The following PIP5K1C variants were observed in gnomAD, a reference collection of about 807,000 sequenced individuals.
PIP5K1C encodes the protein phosphatidylinositol-4-phosphate 5-kinase type 1 gamma.
PIP5K1C carries 45 observed loss-of-function variants against 80.1 expected under a neutral mutation model. The ratio of observed to expected loss-of-function variants is 0.56; its 90% CI spans 0.44 to 0.72. PIP5K1C has a LOEUF of 0.72. Ranked by LOEUF, PIP5K1C falls within the 30% of genes least tolerant of loss-of-function variation. The pLI is 0.00. For synonymous variants in PIP5K1C, 498 were observed against 420.1 expected (o/e 1.19, Z -2.27); for missense variants, 753 against 954.6 (o/e 0.79, Z 2.78).
chr19:3,675,509 G>A (rs1206753204), intron 1 of PIP5K1C, among the ~76,000 whole-genome samples: 1 of 152,196 alleles, frequency 6.6e-6, no homozygotes, highest in Non-Finnish European at 1.5e-5. Flanking sequence ...ATGGACCAAG[G>A]CTTTTGTGAA....
rs937385248 is a variant in PIP5K1C, at chr19:3,692,515, A to G, written c.94+7782T>C. Among the ~76,000 whole-genome samples the G allele has an allele frequency of 3.3e-5, 5 of 152,074 alleles. No individual in the cohort carries two copies. On this transcript the variant is annotated intron_variant, in intron 1 of 17. Transcript: ENST00000335312. This position sits in a 1 kb window ranked among gnomAD's most constrained non-coding sequence, Gnocchi z 5.2. ...CCCCTCAGCCCCACACTCAACCTTCAAAAGGTCCTGCTGGCTCTGCTTCCA... is the reference window on the plus strand; with the variant it reads ...CCCCTCAGCCCCACACTCAACCTTCGAAAGGTCCTGCTGGCTCTGCTTCCA...
chr19:3,682,493 AACATAGCAAG>A (rs1369026278), intron 1 of PIP5K1C, among the ~76,000 whole-genome samples: 1 of 152,024 alleles, frequency 6.6e-6, no homozygotes, highest in African/African-American at 2.4e-5. Flanking sequence ...CAGACCGAGC[AACATAGCAAG>A]ACATAGCAAG....
Position 3,633,425 on chromosome 19 carries a change from G to A in PIP5K1C, c.2004+12C>T. 6.8e-7 allele frequency: 1 copy of A among 1,478,130 alleles called. No homozygotes were observed. The highest frequency in any genetic ancestry group is 9.0e-7 in the Non-Finnish European group (1 of 1,111,428). The allele number at this position is 1,478,130 out of a possible 1,614,324, so 91.6% of individuals were successfully genotyped here. ...CCCACGGGACCGGCGGGTGCACCTG[G>A]GCTGCACTTACTGTGTCGCTCTCGC... On this transcript the variant is annotated intron_variant, in intron 17 of 17. Transcript: ENST00000335312.
chr19:3,643,134 C>T (rs1048435947), intron 13 of PIP5K1C, 109 bp downstream of exon 13: 3 of 1,556,944 alleles, frequency 1.9e-6, no homozygotes, highest in African/African-American at 2.7e-5. Flanking sequence ...ACCGTACATA[C>T]GATGCTCCAC....
chr19:3,689,180 C>T (rs2035868690), intron 1 of PIP5K1C, among the ~76,000 whole-genome samples: 1 of 152,056 alleles, frequency 6.6e-6, no homozygotes, highest in Non-Finnish European at 1.5e-5. Context: ...TGTGAGCCAC[C>T]GCACCCAGCC....
Position 3,643,015 on chromosome 19 carries a change from C to T in PIP5K1C, c.1650-76G>A, listed in dbSNP as rs544311796. On this transcript the variant is annotated intron_variant, in intron 13 of 17. Coordinates refer to ENST00000335312, the MANE Select transcript of PIP5K1C (RefSeq NM_012398.3). Reference sequence around the variant, plus strand: ...GCTCAGTCTACCTGCCTTGCCTACCCGCCTGCCTACCTGCCCCCTGGCAGC... The same window carrying T: ...GCTCAGTCTACCTGCCTTGCCTACCTGCCTGCCTACCTGCCCCCTGGCAGC... 250 of 1,561,276 alleles carry T rather than the reference C, an allele frequency of 1.6e-4. 3 individuals are homozygous for T. The South Asian group carries it at 2.5e-3, about 16-fold the overall frequency.
intron 13 of PIP5K1C, 144 bp downstream of exon 13, chr19:3,643,099 A>C (rs905653953): frequency 1.4e-6 from 2 of 1,468,586 alleles, no homozygotes; most frequent in Non-Finnish European, 1.9e-6. Context: ...GCCCCCGCGC[A>C]CCCACATGCA....
intron 1 of PIP5K1C, among the ~76,000 whole-genome samples, chr19:3,684,271 C>T (rs1041011838): frequency 6.6e-6 from 1 of 152,310 alleles, no homozygotes; most frequent in Middle Eastern, 3.4e-3. Context: ...CTCATTGCCG[C>T]CCCCTCACCC....
At position 3,696,549 on chromosome 19, in the gene PIP5K1C, A is replaced by G. The variant is rs1039352632; in HGVS notation, c.94+3748T>C. On this transcript the variant is annotated intron_variant, in intron 1 of 17. Coordinates refer to ENST00000335312, the MANE Select transcript of PIP5K1C (RefSeq NM_012398.3). The surrounding 1 kb of genome is among the most constrained non-coding windows in gnomAD (Gnocchi z 4.1). ...CCTCACGGAGAGGAGATGCTCCCAC[A>G]AAACCTGGAAAGCGCTAAGGGAGCA... 1.3e-5 allele frequency among the ~76,000 whole-genome samples: 2 copies of G among 150,834 alleles called. No homozygotes were observed. Among genetic ancestry groups the G allele is most frequent in the African/African-American group, 4.9e-5 (2 of 40,938 alleles).
At position 3,630,949 on chromosome 19, in the gene PIP5K1C, C is replaced by G. The variant is rs757169133; in HGVS notation, c.*2218G>C. ...TTGCCGTCCTCCTGCCCCCGCCCCT[C>G]GGCACAGTCAGTGGAGCACGTCAGC... On this transcript the variant is annotated 3_prime_UTR_variant, in exon 18 of 18. Coordinates refer to ENST00000335312, the MANE Select transcript of PIP5K1C (RefSeq NM_012398.3). 6.6e-6 allele frequency: 1 copy of G among 152,308 alleles called. No homozygotes were observed. The highest frequency in any genetic ancestry group is 1.9e-4 in the East Asian group (1 of 5,192). 9.4% of individuals were successfully genotyped at this position (152,308 alleles called of 1,614,324 possible).
Position 3,686,148 on chromosome 19 carries a change from T to C in PIP5K1C, c.94+14149A>G, listed in dbSNP as rs1329148702. Among the ~76,000 whole-genome samples, 4 of 152,300 alleles carry C rather than the reference T, an allele frequency of 2.6e-5. 1 individual carries two copies. In the South Asian group the frequency reaches 8.3e-4, roughly 32 times the overall value. Reference sequence around the variant, plus strand: ...GATTACAGGCGTGAGCCACCGTACTTAGACTAAAAGCTAAAAAATTTACTA... The same window carrying C: ...GATTACAGGCGTGAGCCACCGTACTCAGACTAAAAGCTAAAAAATTTACTA... On this transcript the variant is annotated intron_variant, in intron 1 of 17. Coordinates refer to ENST00000335312, the MANE Select transcript of PIP5K1C (RefSeq NM_012398.3).
In PIP5K1C at chr19:3,637,036, G is replaced by A; in HGVS notation, c.1920+1848C>T. ...GAGGCCTCAGCGCCTCCATCTGTGAGGTGGGTGTGGAGAGACCATCTCCTC... is the reference window on the plus strand; with the variant it reads ...GAGGCCTCAGCGCCTCCATCTGTGAAGTGGGTGTGGAGAGACCATCTCCTC... On this transcript the variant is annotated intron_variant, in intron 16 of 17. Transcript: ENST00000335312. This position sits in a 1 kb window ranked among gnomAD's most constrained non-coding sequence, Gnocchi z 7.0. The A allele has an allele frequency of 1.9e-6, 2 of 1,075,526 alleles. No homozygotes were observed. Among genetic ancestry groups the A allele is most frequent in the Non-Finnish European group, 2.3e-6 (2 of 885,712 alleles). The allele number at this position is 1,075,526 out of a possible 1,614,324, so 66.6% of individuals were successfully genotyped here.
At position 3,637,564 on chromosome 19, in the gene PIP5K1C, C is replaced by T. The variant is rs1362870715; in HGVS notation, c.1920+1320G>A. On this transcript the variant is annotated intron_variant, in intron 16 of 17. Transcript: ENST00000335312. The surrounding 1 kb of genome is among the most constrained non-coding windows in gnomAD (Gnocchi z 7.0). Reference sequence around the variant, plus strand: ...CCCCGAGGCGCTCAGCGTCACGGCCCGCAGTCGGCGATGGCGGGGAGAGTA... The same window carrying T: ...CCCCGAGGCGCTCAGCGTCACGGCCTGCAGTCGGCGATGGCGGGGAGAGTA... 28 of 1,528,874 alleles carry T rather than the reference C, an allele frequency of 1.8e-5. No individual in the cohort carries two copies. The highest frequency in any genetic ancestry group is 2.4e-5 in the Non-Finnish European group (27 of 1,142,992). 94.7% of individuals were successfully genotyped at this position (1,528,874 alleles called of 1,614,324 possible). A position where few individuals can be genotyped will look rare whatever the true frequency, so the allele number is the denominator to read the frequency against.
rs1249457603 is a variant in PIP5K1C, at chr19:3,648,321, T to A, written c.1211+304A>T. On this transcript the variant is annotated intron_variant, in intron 9 of 17. Transcript: ENST00000335312. This position sits in a 1 kb window ranked among gnomAD's most constrained non-coding sequence, Gnocchi z 4.3. ...ACAGGTGTGGACCACTACGCCCAACTCACTCTAGATTTTCAAGGCGACCAA... is the reference window on the plus strand; with the variant it reads ...ACAGGTGTGGACCACTACGCCCAACACACTCTAGATTTTCAAGGCGACCAA... Among the ~76,000 whole-genome samples, 1 of 152,114 alleles carries A rather than the reference T, an allele frequency of 6.6e-6. No individual in the cohort carries two copies. Among genetic ancestry groups the A allele is most frequent in the Non-Finnish European group, 1.5e-5 (1 of 68,020 alleles).
intron 1 of PIP5K1C, among the ~76,000 whole-genome samples, chr19:3,684,459 C>T (rs1324265653): frequency 6.6e-6 from 1 of 152,230 alleles, no homozygotes; most frequent in Non-Finnish European, 1.5e-5. Context: ...GGGGGGAATT[C>T]TTCCATCAGC....
chr19:3,636,265 G>A, intron 16 of PIP5K1C: 3 of 461,524 alleles, frequency 6.5e-6, no homozygotes, highest in Non-Finnish European at 8.6e-6. Context: ...CAGGGGAAGT[G>A]GGGGGCAGTA....
chr19:3,653,420 C>G lies in PIP5K1C; in HGVS notation c.791G>C (p.Ser264Thr). Residue 264 changes from serine (S) to threonine (T), a missense_variant, in exon 7 of 18, where the codon AGC becomes ACC. Coordinates refer to ENST00000335312, the MANE Select transcript of PIP5K1C (RefSeq NM_012398.3). ...GAAGCTCTTCTCCTTCTCCTTCTTG[C>G]TGGCGCGCCGCTTGTAGGTGGAGCC... ...LKGSTYKRRA[S>T]KKEKEKSFPT... 3 of 1,613,424 alleles carry G rather than the reference C, an allele frequency of 1.9e-6. No homozygotes were observed. The highest frequency in any genetic ancestry group is 2.5e-6 in the Non-Finnish European group (3 of 1,180,034).
rs2034038329 is a variant in PIP5K1C at position 3,643,033 on chromosome 19, CT to C, written c.1650-95del. The stretch of plus-strand genomic sequence containing the variant: ...GCCTACCCGCCTGCCTACCTGCCCC[CT>C]GGCAGCCCTGCCCACCTGTACATAT... On this transcript the variant is annotated intron_variant, in intron 13 of 17. Coordinates refer to ENST00000335312, the MANE Select transcript of PIP5K1C (RefSeq NM_012398.3). 4 of 1,511,896 alleles carry C rather than the reference CT, an allele frequency of 2.6e-6. No individual in the cohort carries two copies. The African/African-American group carries it at 4.1e-5, about 16-fold the overall frequency. The allele number at this position is 1,511,896 out of a possible 1,614,324, so 93.7% of individuals were successfully genotyped here. A position where few individuals can be genotyped will look rare whatever the true frequency, so the allele number is the denominator to read the frequency against.
intron 1 of PIP5K1C, among the ~76,000 whole-genome samples, chr19:3,675,809 G>C (rs976875716): frequency 2.0e-5 from 3 of 152,178 alleles, no homozygotes; most frequent in Non-Finnish European, 4.4e-5. Context: ...GTGCCGAGCA[G>C]CATCCCTGGC....
Sources: gnomAD v4.1 joint callset for allele counts (sites outside exome capture counted in the v4.1 genomes callset) on GRCh38, gnomAD v4.1.1 for gene constraint, Gnocchi (gnomAD v3.1) non-coding constraint, MANE v1.5 for transcripts, NCBI Gene and HGNC (gene_info 2026-07-23, HGNC 2026-07-21) for gene names.